The following EEPD1 variants were observed in gnomAD, a reference collection of about 807,000 sequenced individuals.
EEPD1 encodes endonuclease/exonuclease/phosphatase family domain-containing protein 1.
A neutral mutation model predicts 46.3 loss-of-function variants in EEPD1; 17 were observed. The observed-to-expected ratio is 0.37, with a 90% CI of 0.25 to 0.55. EEPD1 has a LOEUF of 0.55. EEPD1 is among the 20% of genes least tolerant of loss of function. The probability of loss-of-function intolerance (pLI) is 0.83; values close to 1 mark genes in which losing one functional copy is unlikely to be tolerated. For synonymous variants in EEPD1, 313 were observed against 315.6 expected, an observed-to-expected ratio of 0.99 and a Z score of 0.09; for missense variants, 673 against 745.6, an observed-to-expected ratio of 0.90 and a Z score of 1.13.
At chr7:36,234,091 G>A (rs1260421090) in intron 2 of EEPD1, among the ~76,000 whole-genome samples, 1 of 151,964 alleles carries the variant, frequency 6.6e-6, no homozygotes, top group Non-Finnish European at 1.5e-5. Context: ...GCTAATTTTT[G>A]TATTTTTAGT....
At chr7:36,262,088 C>T (rs1422493335) in intron 3 of EEPD1, among the ~76,000 whole-genome samples, 1 of 152,216 alleles carries the variant, frequency 6.6e-6, no homozygotes, top group East Asian at 1.9e-4. Context: ...CTTGGTTTCC[C>T]CCCACCCACA....
chr7:36,250,691 C>T (rs1013154080), intron 3 of EEPD1, among the ~76,000 whole-genome samples: 2 of 152,136 alleles, frequency 1.3e-5, no homozygotes, highest in Non-Finnish European at 1.5e-5. Context: ...ATCAGTGGTG[C>T]TTGGCTATTG....
rs1445367904 is a variant in EEPD1, at chr7:36,193,284, G to T, written c.878+38082G>T. ...CCAGCAGAAGTTAGATGGAGAAGAG[G>T]CCCAGAGAGCAGAGTTCCCGAGAGG... On this transcript the variant is annotated intron_variant, in intron 2 of 7. Transcript: ENST00000242108. The surrounding 1 kb of genome is among the most constrained non-coding windows in gnomAD (Gnocchi z 4.9). 6.7e-6 allele frequency among the ~76,000 whole-genome samples: 1 copy of T among 149,426 alleles called. No individual in the cohort carries two copies. Among genetic ancestry groups the T allele is most frequent in the Non-Finnish European group, 1.5e-5 (1 of 66,602 alleles).
intron 3 of EEPD1, among the ~76,000 whole-genome samples, chr7:36,260,269 TTGTATGGGAA>T (rs1786901027): frequency 6.6e-6 from 1 of 152,244 alleles, no homozygotes; most frequent in Non-Finnish European, 1.5e-5. Context: ...CTCTCAGTTT[TTGTATGGGAA>T]TGTATTTCAT....
intron 3 of EEPD1, among the ~76,000 whole-genome samples, chr7:36,278,297 G>A (rs1787211494): frequency 6.6e-6 from 1 of 152,174 alleles, no homozygotes; most frequent in African/African-American, 2.4e-5. Context: ...AAGCCAGGGT[G>A]GGGTTTGGGT....
intron 3 of EEPD1, among the ~76,000 whole-genome samples, chr7:36,263,298 C>T (rs1786960783): frequency 6.6e-6 from 1 of 152,096 alleles, no homozygotes; most frequent in Non-Finnish European, 1.5e-5. Flanking sequence ...CACCACTGCA[C>T]TCTACCCTTG....
intron 2 of EEPD1, among the ~76,000 whole-genome samples, chr7:36,165,586 A>ATTT (rs1784969546): frequency 1.5e-5 from 2 of 134,630 alleles, no homozygotes; most frequent in Non-Finnish European, 3.2e-5. Flanking sequence ...CGCCCCAGCT[A>ATTT]ATTTATTTAT....
At chr7:36,271,617 A>C (rs941042045) in intron 3 of EEPD1, among the ~76,000 whole-genome samples, 1 of 151,470 alleles carries the variant, frequency 6.6e-6, no homozygotes. Flanking sequence ...TAGTTTAATT[A>C]GATCCCATTT....
intron 3 of EEPD1, among the ~76,000 whole-genome samples, chr7:36,262,705 C>T (rs1000178127): frequency 6.6e-6 from 1 of 152,066 alleles, no homozygotes; most frequent in Non-Finnish European, 1.5e-5. Flanking sequence ...CTGTACCAGT[C>T]GAGTGTTCCT....
chr7:36,262,936 G>A (rs903514151), intron 3 of EEPD1, among the ~76,000 whole-genome samples: 1 of 152,140 alleles, frequency 6.6e-6, no homozygotes, highest in African/African-American at 2.4e-5. Context: ...ATGGTCGCTT[G>A]ACAGTCCTGG....
intron 3 of EEPD1, among the ~76,000 whole-genome samples, chr7:36,268,813 C>T (rs1185950746): frequency 1.3e-5 from 2 of 152,124 alleles, no homozygotes; most frequent in South Asian, 2.1e-4. Flanking sequence ...ATACGTGAGG[C>T]GGGAATGATT....
chr7:36,179,300 C>T (rs1420023736), intron 2 of EEPD1, among the ~76,000 whole-genome samples: 1 of 152,138 alleles, frequency 6.6e-6, no homozygotes, highest in East Asian at 1.9e-4. Context: ...TCTAGTTTAG[C>T]TGCATTTTAT....
intron 3 of EEPD1, among the ~76,000 whole-genome samples, chr7:36,241,976 T>C (rs1289954796): frequency 1.3e-5 from 2 of 152,198 alleles, no homozygotes; most frequent in Non-Finnish European, 2.9e-5. Flanking sequence ...TTTCAAAACC[T>C]ATCAGAGAAA....
At chr7:36,215,760 G>A (rs1243668954) in intron 2 of EEPD1, among the ~76,000 whole-genome samples, 1 of 152,264 alleles carries the variant, frequency 6.6e-6, no homozygotes, top group Non-Finnish European at 1.5e-5. Context: ...TTCTGGGTGG[G>A]AGGTGAGAGC....
intron 3 of EEPD1, among the ~76,000 whole-genome samples, chr7:36,245,109 C>T (rs1428901414): frequency 6.6e-6 from 1 of 152,054 alleles, no homozygotes; most frequent in Non-Finnish European, 1.5e-5. Context: ...CCATGCCCAG[C>T]TAATTTTTTT....
intron 4 of EEPD1, among the ~76,000 whole-genome samples, chr7:36,284,037 C>T (rs1274620290): frequency 6.6e-6 from 1 of 152,202 alleles, no homozygotes; most frequent in African/African-American, 2.4e-5. Context: ...CAGGGTTTAA[C>T]ACTAGGCACT....
At chr7:36,241,115 A>AT (rs1024912425) in intron 3 of EEPD1, among the ~76,000 whole-genome samples, 8 of 152,274 alleles carry the variant, frequency 5.3e-5, no homozygotes, top group African/African-American at 1.9e-4. Flanking sequence ...CTTTTCTAGT[A>AT]TCCCCCCTCA....
At chr7:36,249,331 C>T (rs1025591009) in intron 3 of EEPD1, among the ~76,000 whole-genome samples, 3 of 152,166 alleles carry the variant, frequency 2.0e-5, no homozygotes, top group Non-Finnish European at 4.4e-5. Flanking sequence ...TGACATGGTG[C>T]TGGCCTTTTC....
At position 36,300,967 on chromosome 7, in the gene EEPD1, C is replaced by T. The variant is rs1184329273; in HGVS notation, c.*1761C>T. 3 of 152,368 alleles carry T rather than the reference C, an allele frequency of 2.0e-5. No homozygotes were observed. The East Asian group carries it at 5.8e-4, about 29-fold the overall frequency. 9.4% of individuals were successfully genotyped at this position (152,368 alleles called of 1,614,324 possible). The stretch of plus-strand genomic sequence containing the variant: ...TCAAGAGGGGCAGCTCAGGATGCTA[C>T]CAGGGAGCACATCGTTTCTGGTGCC... On this transcript the variant is annotated 3_prime_UTR_variant, in exon 8 of 8. Coordinates refer to ENST00000242108, the MANE Select transcript of EEPD1 (RefSeq NM_030636.3).
Sources: gnomAD v4.1 joint callset for allele counts (sites outside exome capture counted in the v4.1 genomes callset) on GRCh38, gnomAD v4.1.1 for gene constraint, Gnocchi (gnomAD v3.1) non-coding constraint, MANE v1.5 for transcripts, NCBI Gene and HGNC (gene_info 2026-07-23, HGNC 2026-07-21) for gene names.